CAMK4: variants seen among roughly 807,000 people sequenced by gnomAD.
The protein encoded by CAMK4 is calcium/calmodulin dependent protein kinase IV, also known as calcium/calmodulin-dependent protein kinase type IV.
A neutral mutation model predicts 44.9 loss-of-function variants in CAMK4; 22 were observed. The observed-to-expected ratio is 0.49, with a 90% confidence interval of 0.35 to 0.70. The LOEUF (loss-of-function observed/expected upper bound fraction) is 0.70, where lower values mean the gene tolerates loss of function less well. CAMK4 is among the 30% of genes least tolerant of loss of function. The pLI is 0.01. For missense variants in CAMK4, 498 were observed against 586.8 expected (o/e 0.85, Z 1.56); for synonymous variants, 218 against 215.4 (o/e 1.01, Z -0.11).
At chr5:111,358,692 GT>G (rs1750475721) in intron 2 of CAMK4, among the ~76,000 whole-genome samples, 1 of 151,792 alleles carries the variant, frequency 6.6e-6, no homozygotes. Context: ...GTACTCAATA[GT>G]TATTTTTTCT....
rs181447346 is a variant in CAMK4 at position 111,445,584 on chromosome 5, C to T, written c.460-1102C>T. Among the ~76,000 whole-genome samples the T allele has an allele frequency of 1.4e-4, 22 of 152,230 alleles. No homozygotes were observed. The East Asian group carries it at 4.2e-3, about 29-fold the overall frequency. On this transcript the variant is annotated intron_variant, in intron 5 of 10. Transcript: ENST00000282356. ...GCTAGAACTACAAGGCATGCACCAC[C>T]ATCCCTGGCTTTTTAAAATTTTTCA...
intron 5 of CAMK4, among the ~76,000 whole-genome samples, chr5:111,435,921 T>C (rs1208096870): frequency 6.6e-6 from 1 of 152,232 alleles, no homozygotes; most frequent in Non-Finnish European, 1.5e-5. Flanking sequence ...TCTAACCTTA[T>C]ATACAAATAA....
chr5:111,414,360 C>T (rs1247621430), intron 5 of CAMK4, among the ~76,000 whole-genome samples: 2 of 152,198 alleles, frequency 1.3e-5, no homozygotes, highest in Non-Finnish European at 2.9e-5. Flanking sequence ...TCCCCCTCTT[C>T]TTTCCCCACT....
intron 5 of CAMK4, among the ~76,000 whole-genome samples, chr5:111,407,343 T>A (rs1459303907): frequency 2.0e-5 from 2 of 99,928 alleles, no homozygotes; most frequent in Non-Finnish European, 3.8e-5. Context: ...AGAGAGAGAC[T>A]CCTTAAAAAA....
At chr5:111,226,322 G>T (rs1748191551) in intron 1 of CAMK4, among the ~76,000 whole-genome samples, 1 of 152,162 alleles carries the variant, frequency 6.6e-6, no homozygotes, top group African/African-American at 2.4e-5. Flanking sequence ...AGCCTGCATA[G>T]GAAAAAACTG....
At chr5:111,266,341 T>G (rs1750245471) in intron 1 of CAMK4, among the ~76,000 whole-genome samples, 1 of 152,184 alleles carries the variant, frequency 6.6e-6, no homozygotes, top group African/African-American at 2.4e-5. Flanking sequence ...CCCTTTTCAC[T>G]TTCACATTCA....
At chr5:111,284,539 G>A (rs1226878378) in intron 1 of CAMK4, among the ~76,000 whole-genome samples, 2 of 152,032 alleles carry the variant, frequency 1.3e-5, no homozygotes, top group African/African-American at 4.8e-5. Context: ...CTGGCTCTGG[G>A]CGGATCACCA....
intron 7 of CAMK4, among the ~76,000 whole-genome samples, chr5:111,458,775 A>G (rs544246220): frequency 6.6e-6 from 1 of 152,308 alleles, no homozygotes; most frequent in South Asian, 2.1e-4. Flanking sequence ...TAGTGAAAGA[A>G]TGTTCTAGGT....
At chr5:111,419,410 G>C (rs1385812186) in intron 5 of CAMK4, among the ~76,000 whole-genome samples, 1 of 152,052 alleles carries the variant, frequency 6.6e-6, no homozygotes, top group African/African-American at 2.4e-5. Context: ...TCACTCTGAT[G>C]GTAGTTTCTT....
rs1357634879 is a variant in CAMK4, at chr5:111,471,208, G to A, written c.626-2103G>A. 2.0e-5 allele frequency among the ~76,000 whole-genome samples: 3 copies of A among 151,788 alleles called. No homozygotes were observed. The East Asian group carries it at 5.8e-4, about 29-fold the overall frequency. On this transcript the variant is annotated intron_variant, in intron 7 of 10. Coordinates refer to ENST00000282356, the MANE Select transcript of CAMK4 (RefSeq NM_001744.6). Reference sequence around the variant, plus strand: ...GGATGCAACAGTGTTGTCACCCATCGAGTGAAAACTTTGCTCAACTTTTAA... The same window carrying A: ...GGATGCAACAGTGTTGTCACCCATCAAGTGAAAACTTTGCTCAACTTTTAA...
chr5:111,332,714 T>C (rs1352091522), intron 1 of CAMK4, among the ~76,000 whole-genome samples: 3 of 151,604 alleles, frequency 2.0e-5, no homozygotes, highest in Non-Finnish European at 3.0e-5. Context: ...GCTGGTCTAG[T>C]GCATTTGGGT....
Position 111,224,516 on chromosome 5 carries a change from C to T in CAMK4, c.33C>T (p.Ala11=). ...AAGTCACGGTGCCCTCCTGCTCCGCCTCGTCCTGCTCTTCGGTCACCGCCA... is the reference window on the plus strand; with the variant it reads ...AAGTCACGGTGCCCTCCTGCTCCGCTTCGTCCTGCTCTTCGGTCACCGCCA... MLKVTVPSCS[A]SSCSSVTASA... The change falls in exon 1 of 11, where the codon GCC becomes GCT. Residue 11 remains alanine, a synonymous_variant. Transcript: ENST00000282356. The surrounding 1 kb of genome is among the most constrained non-coding windows in gnomAD (Gnocchi z 5.7). The T allele has an allele frequency of 6.2e-7, 1 of 1,610,948 alleles. No individual in the cohort carries two copies. Among genetic ancestry groups the T allele is most frequent in the Non-Finnish European group, 8.5e-7 (1 of 1,179,242 alleles).
At position 111,487,810 on chromosome 5, in the gene CAMK4, T is replaced by G. The variant is rs1239342805; in HGVS notation, c.*3344T>G. The G allele has an allele frequency of 2.6e-5, 4 of 152,128 alleles. No individual in the cohort carries two copies. Among genetic ancestry groups the G allele is most frequent in the Non-Finnish European group, 5.9e-5 (4 of 68,026 alleles). The allele number at this position is 152,128 out of a possible 1,614,324, so 9.4% of individuals were successfully genotyped here. ...GACACTTGAAGTTCTATGCTTAGAT[T>G]TAAGTGGCCTCAGTTTTCACATTGA... On this transcript the variant is annotated 3_prime_UTR_variant, in exon 11 of 11. Transcript: ENST00000282356.
rs1438607414 is a variant in CAMK4, at chr5:111,443,273, TATATATAC to T, written c.460-3411_460-3404del. ...ATATATATATATATATATATATATA[TATATATAC>T]ACACACACACACACACACACACACA... On this transcript the variant is annotated intron_variant, in intron 5 of 10. Transcript: ENST00000282356. Among the ~76,000 whole-genome samples, 419 of 50,776 alleles carry T rather than the reference TATATATAC, an allele frequency of 8.3e-3. 1 individual carries two copies. Among genetic ancestry groups the T allele is most frequent in the African/African-American group, 0.03 (311 of 10,434 alleles). The allele number at this position is 50,776 out of a possible 152,430, so 33.3% of individuals were successfully genotyped here. A position where few individuals can be genotyped will look rare whatever the true frequency, so the allele number is the denominator to read the frequency against.
At chr5:111,340,587 T>A (rs938640648) in intron 1 of CAMK4, among the ~76,000 whole-genome samples, 8 of 151,354 alleles carry the variant, frequency 5.3e-5, no homozygotes, top group African/African-American at 1.9e-4. Flanking sequence ...GAATGAGCCT[T>A]TCAATGTGCT....
intron 1 of CAMK4, among the ~76,000 whole-genome samples, chr5:111,232,480 AT>A (rs1230466573): frequency 6.6e-6 from 1 of 152,122 alleles, no homozygotes; most frequent in Non-Finnish European, 1.5e-5. Context: ...AATTCAGGAT[AT>A]ACATTTTTGT....
chr5:111,358,380 G>C (rs1453800532), intron 2 of CAMK4, among the ~76,000 whole-genome samples: 1 of 152,006 alleles, frequency 6.6e-6, no homozygotes, highest in African/African-American at 2.4e-5. Flanking sequence ...ATATGGGTCA[G>C]ATTCCAATTT....
rs189355433 is a variant in CAMK4 at position 111,269,427 on chromosome 5, C to T, written c.161+44783C>T. Among the ~76,000 whole-genome samples the T allele has an allele frequency of 2.6e-5, 4 of 152,308 alleles. No individual in the cohort carries two copies. The East Asian group carries it at 7.7e-4, about 29-fold the overall frequency. On this transcript the variant is annotated intron_variant, in intron 1 of 10. Transcript: ENST00000282356. Reference sequence around the variant, plus strand: ...GTTGTGTGGGGGAAAGGGCCTTCCTCCATGAACTCTTAGCAGGAGAAATAG... The same window carrying T: ...GTTGTGTGGGGGAAAGGGCCTTCCTTCATGAACTCTTAGCAGGAGAAATAG...
At chr5:111,463,414 C>A (rs1754709642) in intron 7 of CAMK4, among the ~76,000 whole-genome samples, 1 of 152,170 alleles carries the variant, frequency 6.6e-6, no homozygotes, top group African/African-American at 2.4e-5. Context: ...AACCTAAAAA[C>A]TCTGAAGACA....
Sources: allele counts gnomAD v4.1 joint callset (sites outside exome capture counted in the v4.1 genomes callset), GRCh38; gene constraint gnomAD v4.1.1; non-coding constraint Gnocchi (gnomAD v3.1); transcripts MANE v1.5; gene names NCBI Gene and HGNC (gene_info 2026-07-23, HGNC 2026-07-21).